Variants in POMT1 observed in about 807,000 individuals in gnomAD.
POMT1 encodes the protein protein O-mannosyltransferase 1.
POMT1 carries 85 observed loss-of-function variants against 101.6 expected under a neutral mutation model. The observed-to-expected ratio is 0.84, with a 90% CI of 0.70 to 1.00. POMT1 has a LOEUF of 1.00. Ranked by LOEUF, POMT1 falls within the 50% of genes least tolerant of loss-of-function variation. POMT1 has a pLI of 0.00. For missense variants in POMT1, 857 were observed against 930.4 expected, an observed-to-expected ratio of 0.92 and a Z score of 1.03; for synonymous variants, 371 against 383.0, an observed-to-expected ratio of 0.97 and a Z score of 0.37.
intron 12 of POMT1, among the ~76,000 whole-genome samples, chr9:131,514,558 G>T (rs992395316): frequency 6.6e-6 from 1 of 152,258 alleles, no homozygotes; most frequent in South Asian, 2.1e-4. Flanking sequence ...TTCCCAGAGG[G>T]CTGTGAGGGC....
At chr9:131,508,030 A>G (rs2131614650) in intron 5 of POMT1, among the ~76,000 whole-genome samples, 1 of 152,064 alleles carries the variant, frequency 6.6e-6, no homozygotes, top group Non-Finnish European at 1.5e-5. Context: ...CAGGAGTTTG[A>G]GACCAGCCTG....
In POMT1 at chr9:131,507,526, G is replaced by C; in HGVS notation, c.427+12G>C. ...GTTGATGCTTATCGGTAAGACCTGC[G>C]CCCCTGCCTGCTCTTGCTGTCATGC... On this transcript the variant is annotated intron_variant, in intron 5 of 19. Transcript: ENST00000402686. 1.2e-6 allele frequency: 2 copies of C among 1,613,848 alleles called. No individual in the cohort carries two copies. The highest frequency in any genetic ancestry group is 1.7e-6 in the Non-Finnish European group (2 of 1,179,968).
In POMT1 at chr9:131,504,755, A is replaced by ATATG. The variant is rs1273150981; in HGVS notation, c.122+416_122+417insATGT. Among the ~76,000 whole-genome samples the ATATG allele has an allele frequency of 1.7e-4, 25 of 148,912 alleles. 1 individual carries two copies. The highest frequency in any genetic ancestry group is 5.5e-4 in the African/African-American group (22 of 39,924). On this transcript the variant is annotated intron_variant, in intron 2 of 19. Coordinates refer to ENST00000402686, the MANE Select transcript of POMT1 (RefSeq NM_001077365.2). ...TCTTTATTAACTGATTAATGTGTGTATGTGTGTGTGTGTGTGTGTGTGTGT... is the reference window on the plus strand; with the variant it reads ...TCTTTATTAACTGATTAATGTGTGTATATGTGTGTGTGTGTGTGTGTGTGTGTGT...
At position 131,519,572 on chromosome 9, in the gene POMT1, C is replaced by T. The variant is rs1949498008; in HGVS notation, c.1584+86C>T. The stretch of plus-strand genomic sequence containing the variant: ...GCCTGGGGGCTGCACAGGACTCAAA[C>T]CAGAGTCAGGCTTTGACGCTGGAGC... On this transcript the variant is annotated intron_variant, in intron 16 of 19. Transcript: ENST00000402686. The surrounding 1 kb of genome is among the most constrained non-coding windows in gnomAD (Gnocchi z 4.3). 1.5e-6 allele frequency: 2 copies of T among 1,311,716 alleles called. No homozygotes were observed. Among genetic ancestry groups the T allele is most frequent in the South Asian group, 1.3e-5 (1 of 79,098 alleles). 81.3% of individuals were successfully genotyped at this position (1,311,716 alleles called of 1,614,324 possible).
intron 9 of POMT1, chr9:131,510,913 A>G (rs777827393): frequency 3.3e-6 from 1 of 305,004 alleles, no homozygotes; most frequent in African/African-American, 2.2e-5. Flanking sequence ...CAGCAGTGGT[A>G]GAAGGTATCA....
At position 131,505,297 on chromosome 9, in the gene POMT1, ATTTT is replaced by A. The variant is rs34623621; in HGVS notation, c.123-804_123-801del. ...AGCGGTATATCTGTAAAAGATGAGG[ATTTT>A]TTTTTTTTTTTTGGAGACATAGTTT... On this transcript the variant is annotated intron_variant, in intron 2 of 19. Coordinates refer to ENST00000402686, the MANE Select transcript of POMT1 (RefSeq NM_001077365.2). 1.2e-4 allele frequency among the ~76,000 whole-genome samples: 16 copies of A among 137,516 alleles called. No homozygotes were observed. In the Admixed American group the frequency reaches 1.2e-3, roughly 10 times the overall value. 90.2% of individuals were successfully genotyped at this position (137,516 alleles called of 152,430 possible). A position where few individuals can be genotyped will look rare whatever the true frequency, so the allele number is the denominator to read the frequency against.
chr9:131,520,292 G>C, intron 17 of POMT1, 99 bp downstream of exon 17: 1 of 1,104,854 alleles, frequency 9.1e-7, no homozygotes, highest in Admixed American at 1.9e-5. Flanking sequence ...AAAGTGCTGG[G>C]TTTCTCCCAA....
At chr9:131,509,148 T>C (rs1243374692) in intron 6 of POMT1, 126 bp downstream of exon 6, 4 of 724,324 alleles carry the variant, frequency 5.5e-6, no homozygotes, top group Non-Finnish European at 7.2e-6. Context: ...TTTTGAGGAG[T>C]TGCTTGCTAA....
At chr9:131,521,700 C>T (rs1949952549) in intron 18 of POMT1, among the ~76,000 whole-genome samples, 2 of 152,168 alleles carry the variant, frequency 1.3e-5, no homozygotes, top group Non-Finnish European at 1.5e-5. Context: ...ATTGTGGAAT[C>T]TTAAATTATG....
At chr9:131,515,401 T>C in intron 12 of POMT1, 25 bp from the exon 13 acceptor site, 1 of 1,611,102 alleles carries the variant, frequency 6.2e-7, no homozygotes, top group Non-Finnish European at 8.5e-7. Context: ...AGGAATTTTC[T>C]GAAATCTCGG....
In POMT1 at chr9:131,519,555, G is replaced by C; in HGVS notation, c.1584+69G>C. The C allele has an allele frequency of 6.9e-7, 1 of 1,444,432 alleles. No individual in the cohort carries two copies. 89.5% of individuals were successfully genotyped at this position (1,444,432 alleles called of 1,614,324 possible). On this transcript the variant is annotated intron_variant, in intron 16 of 19. Coordinates refer to ENST00000402686, the MANE Select transcript of POMT1 (RefSeq NM_001077365.2). The surrounding 1 kb of genome is among the most constrained non-coding windows in gnomAD (Gnocchi z 4.3). The stretch of plus-strand genomic sequence containing the variant: ...GACTCCTCAGCAGGGAGGCCTGGGG[G>C]CTGCACAGGACTCAAACCAGAGTCA...
chr9:131,512,921 A>G (rs1947441883), intron 11 of POMT1, among the ~76,000 whole-genome samples: 1 of 145,192 alleles, frequency 6.9e-6, no homozygotes, highest in Non-Finnish European at 1.5e-5. Context: ...CCCCTCATAC[A>G]CTTTCATTGG....
rs998476035 is a variant in POMT1 at position 131,510,273 on chromosome 9, G to A, written c.713G>A (p.Cys238Tyr). The change falls in exon 9 of 20, where the codon TGT (cysteine) becomes TAT (tyrosine). Residue 238 changes from cysteine (C) to tyrosine (Y), a missense_variant. Physicochemically the swap from Cys to Tyr is radical, Grantham distance 194. Transcript: ENST00000402686. ...AATCTCTGGCAGGTCTGTGTGTTCTGTCACTTGCTCGCCCGAGCAGTGGCT... is the reference window on the plus strand; with the variant it reads ...AATCTCTGGCAGGTCTGTGTGTTCTATCACTTGCTCGCCCGAGCAGTGGCT... ...DQTLSNVCVF[C>Y]HLLARAVALL... The A allele has an allele frequency of 6.2e-7, 1 of 1,614,110 alleles. No homozygotes were observed. The highest frequency in any genetic ancestry group is 1.3e-5 in the African/African-American group (1 of 74,934).
chr9:131,507,393 G>T lies in POMT1; in HGVS notation c.306G>T (p.Trp102Cys). The change falls in exon 5 of 20, where the codon TGG (tryptophan) becomes TGT (cysteine). Residue 102 changes from tryptophan to cysteine, a missense_variant. Coordinates refer to ENST00000402686, the MANE Select transcript of POMT1 (RefSeq NM_001077365.2). ...AATACAGTAGCAACGTGCCTGTGTG[G>T]TCCCTGCGCCTGCTGCCAGCACTCG... ...GAEYSSNVPVWSLRLLPALAG... is the reference protein window; with the variant it reads ...GAEYSSNVPVCSLRLLPALAG... 6.2e-7 allele frequency: 1 copy of T among 1,614,170 alleles called. No individual in the cohort carries two copies. The highest frequency in any genetic ancestry group is 8.5e-7 in the Non-Finnish European group (1 of 1,180,036).
At chr9:131,511,280 G>C in intron 9 of POMT1, 57 bp from the exon 10 acceptor site, 4 of 1,560,220 alleles carry the variant, frequency 2.6e-6, no homozygotes, top group East Asian at 4.5e-5. Context: ...GGGAAGGCTG[G>C]CTTAGGGTCA....
intron 11 of POMT1, among the ~76,000 whole-genome samples, chr9:131,512,632 G>T (rs12554750): frequency 0.14 from 21,013 of 151,786 alleles, 1,613 homozygotes; most frequent in African/African-American, 0.15. Context: ...TTTTTCGGGG[G>T]ACAGAGTCCC....
rs765968385 is a variant in POMT1 at position 131,504,346 on chromosome 9, C to T, written c.122+6C>T. ...ACCTACCCGCGGGCTGTGGTGTAAG[C>T]TAAATGACTCCATTCCCAGGGTGAA... On this transcript the variant is annotated splice_donor_region_variant and intron_variant, in intron 2 of 19. Transcript: ENST00000402686. The T allele has an allele frequency of 3.1e-6, 5 of 1,614,168 alleles. No individual in the cohort carries two copies. Among genetic ancestry groups the T allele is most frequent in the Non-Finnish European group, 4.2e-6 (5 of 1,180,018 alleles).
rs114044509 is a variant in POMT1 at position 131,517,589 on chromosome 9, T to C, written c.1273-856T>C. The stretch of plus-strand genomic sequence containing the variant: ...CCACTGCTCCAGATTGGCTGTTCCA[T>C]TTTTGTGCAGAGTGCGCCCCTCTGC... On this transcript the variant is annotated intron_variant, in intron 13 of 19. Coordinates refer to ENST00000402686, the MANE Select transcript of POMT1 (RefSeq NM_001077365.2). 9.7e-3 allele frequency among the ~76,000 whole-genome samples: 1,484 copies of C among 152,230 alleles called. 27 individuals are homozygous for C. Among genetic ancestry groups the C allele is most frequent in the African/African-American group, 0.034 (1,402 of 41,538 alleles).
Position 131,522,105 on chromosome 9 carries a change from C to T in POMT1, c.1884C>T (p.Asn628=), listed in dbSNP as rs1336984474. Residue 628 remains asparagine (N), a synonymous_variant, in exon 19 of 20, where the codon AAC becomes AAT. Transcript: ENST00000402686. The surrounding 1 kb of genome is among the most constrained non-coding windows in gnomAD (Gnocchi z 5.5). The part of the protein sequence containing the change: ...GALCAGGWAV[N]YLPFFLMEKT... ...TGTGTGCCGGTGGCTGGGCAGTGAA[C>T]TACCTCCCGTTCTTCCTGATGGAGA... 1.2e-6 allele frequency: 2 copies of T among 1,614,134 alleles called. No homozygotes were observed. Among genetic ancestry groups the T allele is most frequent in the Non-Finnish European group, 1.7e-6 (2 of 1,180,040 alleles).
Sources: allele counts gnomAD v4.1 joint callset (sites outside exome capture counted in the v4.1 genomes callset), GRCh38; gene constraint gnomAD v4.1.1; non-coding constraint Gnocchi (gnomAD v3.1); transcripts MANE v1.5; gene names NCBI Gene and HGNC (gene_info 2026-07-23, HGNC 2026-07-21).